Variants in URGCP observed in about 807,000 individuals in gnomAD.
URGCP encodes upregulator of cell proliferation, also known as up-regulator of cell proliferation.
URGCP carries 13 observed loss-of-function variants against 24.6 expected under a neutral mutation model. The ratio of observed to expected loss-of-function variants is 0.53; its 90% CI spans 0.34 to 0.84. The LOEUF (loss-of-function observed/expected upper bound fraction) is 0.84. Ranked by LOEUF, URGCP falls within the 40% of genes least tolerant of loss-of-function variation. The pLI, the probability that URGCP is intolerant of heterozygous loss-of-function variation, is 0.01. For synonymous variants in URGCP, 444 were observed against 487.2 expected (o/e 0.91, Z 1.17); for missense variants, 899 against 1,194.3 (o/e 0.75, Z 3.64).
chr7:43,876,385 C>T lies in URGCP; in HGVS notation c.*282G>A, dbSNP rs1320273151. 5 of 431,940 alleles carry T rather than the reference C, an allele frequency of 1.2e-5. No individual in the cohort carries two copies. The highest frequency in any genetic ancestry group is 2.1e-5 in the Non-Finnish European group (5 of 237,622). 26.8% of individuals were successfully genotyped at this position (431,940 alleles called of 1,614,324 possible). On this transcript the variant is annotated 3_prime_UTR_variant, in exon 6 of 6. Transcript: ENST00000453200. ...AGAGAGCAGCTATACAGAGGGCCCA[C>T]CCCGCAGGATCCTTGACAGGAGCTG... is the stretch of plus-strand genomic sequence containing the variant.
intron 3 of URGCP, among the ~76,000 whole-genome samples, chr7:43,885,104 T>A (rs199538789): frequency 0.77 from 105,853 of 137,258 alleles, 37,284 homozygotes; most frequent in South Asian, 0.82. Flanking sequence ...ATAGTATAAT[T>A]TTTTTTTTTT....
chr7:43,900,469 C>CAAAAAAAAAAAAAAAAAAAAAAA (rs759728715), intron 1 of URGCP, among the ~76,000 whole-genome samples: 2 of 114,492 alleles, frequency 1.7e-5, no homozygotes, highest in Non-Finnish European at 1.8e-5. Context: ...AAAACCAAAA[C>CAAAAAAAAAAAAAAAAAAAAAAA]AAAAAAAAAA....
intron 1 of URGCP, among the ~76,000 whole-genome samples, chr7:43,923,052 CG>C (rs1038673874): frequency 6.6e-6 from 1 of 151,806 alleles, no homozygotes; most frequent in African/African-American, 2.4e-5. Context: ...GGTACAATCT[CG>C]GCTCATTGCA....
At chr7:43,916,621 C>T (rs1300351299) in intron 1 of URGCP, among the ~76,000 whole-genome samples, 1 of 151,660 alleles carries the variant, frequency 6.6e-6, no homozygotes, top group Non-Finnish European at 1.5e-5. Flanking sequence ...GTATCCATGG[C>T]ATAAATGAGG....
At chr7:43,897,891 A>G (rs2095881690) in intron 1 of URGCP, among the ~76,000 whole-genome samples, 1 of 152,230 alleles carries the variant, frequency 6.6e-6, no homozygotes, top group Non-Finnish European at 1.5e-5. Context: ...ACAAGCCAAA[A>G]TAAGTTCAAG....
In URGCP at chr7:43,919,630, G is replaced by A. The variant is rs140360701; in HGVS notation, c.-116+6502C>T. 2,467 of 1,388,110 alleles carry A rather than the reference G, an allele frequency of 1.8e-3. 4 individuals are homozygous for A. Among genetic ancestry groups the A allele is most frequent in the Non-Finnish European group, 2.3e-3 (2,204 of 974,590 alleles). The allele number at this position is 1,388,110 out of a possible 1,614,324, so 86.0% of individuals were successfully genotyped here. ...GTGATGGTATCCACAGGCCGAGACC[G>A]CCAGACCAACCACTCCTACATCACC... is the stretch of plus-strand genomic sequence containing the variant. On this transcript the variant is annotated intron_variant, in intron 1 of 5. Transcript: ENST00000426198.
intron 1 of URGCP, among the ~76,000 whole-genome samples, chr7:43,893,277 C>A (rs1192586197): frequency 6.6e-6 from 1 of 151,898 alleles, no homozygotes; most frequent in Non-Finnish European, 1.5e-5. Context: ...CTGCAGTGAA[C>A]CATGACTGCA....
At chr7:43,883,402 C>T (rs190943912) in intron 3 of URGCP, among the ~76,000 whole-genome samples, 216 of 133,862 alleles carry the variant, frequency 1.6e-3, no homozygotes, top group African/African-American at 5.5e-3. Flanking sequence ...GCTGTGTTGC[C>T]CAGACTGGAG....
chr7:43,878,168 C>T lies in URGCP; in HGVS notation c.1295G>A (p.Arg432Gln), dbSNP rs200826148. 3.4e-3 allele frequency: 5,516 copies of T among 1,614,234 alleles called. 13 individuals carry two copies. Among genetic ancestry groups the T allele is most frequent in the Non-Finnish European group, 4.1e-3 (4,809 of 1,180,046 alleles). The change falls in exon 6 of 6, where the codon CGG becomes CAG. Residue 432 changes from arginine to glutamine, a missense_variant. By Grantham distance (43) the Arg-to-Gln change is conservative. Coordinates refer to ENST00000453200, the MANE Select transcript of URGCP (RefSeq NM_001077663.3). This position sits in a 1 kb window ranked among gnomAD's most constrained non-coding sequence, Gnocchi z 5.6. ...TDSDSFVKRI[R>Q]AIVGNVLRAP... Reference sequence around the variant, plus strand: ...CCGCAGCACATTCCCAACGATGGCCCGGATCCTCTTCACGAAGCTGTCGCT... The same window carrying T: ...CCGCAGCACATTCCCAACGATGGCCTGGATCCTCTTCACGAAGCTGTCGCT...
chr7:43,910,743 C>G (rs565893435), upstream of URGCP: 1 of 152,172 alleles, frequency 6.6e-6, no homozygotes, highest in South Asian at 2.1e-4. Flanking sequence ...GTAGTCCCAG[C>G]TACTCAGGAG....
chr7:43,920,173 T>C, intron 1 of URGCP: 1 of 587,012 alleles, frequency 1.7e-6, no homozygotes, highest in Non-Finnish European at 3.0e-6. Context: ...CTCATATACA[T>C]GCATTTTCTG....
In URGCP at chr7:43,881,948, C is replaced by T; in HGVS notation, c.122G>A (p.Trp41Ter). Residue 41 changes from tryptophan (W) to a stop codon, truncating the protein, a stop_gained, in exon 4 of 6, where the codon TGG (tryptophan) becomes TAG (stop). Transcript: ENST00000453200. LOFTEE classifies it high-confidence loss of function. ...RTAVAIADLEWREMEGDDCEF... is the reference protein window; with the variant it reads ...RTAVAIADLE ...GCAATCATCTCCTTCCATTTCTCTC[C>T]ATTCCAAATCTAGAAGAAAAAAGAA... 1 of 1,614,178 alleles carries T rather than the reference C, an allele frequency of 6.2e-7. No individual in the cohort carries two copies. The highest frequency in any genetic ancestry group is 8.5e-7 in the Non-Finnish European group (1 of 1,180,046).
At chr7:43,882,110 C>A in intron 3 of URGCP, 153 bp from the exon 4 acceptor site, 1 of 1,315,356 alleles carries the variant, frequency 7.6e-7, no homozygotes, top group Non-Finnish European at 1.0e-6. Flanking sequence ...CCAGCCTGGG[C>A]AACAAAGCAA....
At position 43,917,464 on chromosome 7, in the gene URGCP, G is replaced by A. The variant is rs111744322; in HGVS notation, c.-116+8668C>T. On this transcript the variant is annotated intron_variant, in intron 1 of 5. Coordinates refer to the URGCP transcript ENST00000426198. ...GCTGCAGGCCTCCATCTGGTTTTACGTCCTTGGAAGCGTGACCTGTAACCA... is the reference window on the plus strand; with the variant it reads ...GCTGCAGGCCTCCATCTGGTTTTACATCCTTGGAAGCGTGACCTGTAACCA... 7.6e-3 allele frequency among the ~76,000 whole-genome samples: 1,153 copies of A among 152,308 alleles called. 20 individuals carry two copies. Among genetic ancestry groups the A allele is most frequent in the African/African-American group, 0.025 (1,053 of 41,562 alleles).
At chr7:43,906,479 C>A in intron 1 of URGCP, 83 bp downstream of exon 1, 6 of 1,110,836 alleles carry the variant, frequency 5.4e-6, no homozygotes, top group Non-Finnish European at 6.6e-6. Flanking sequence ...CAGACCAGAG[C>A]CCGCAGGCCA....
Position 43,887,815 on chromosome 7 carries a change from T to C in URGCP, c.16A>G (p.Ile6Val). 1 of 1,523,594 alleles carries C rather than the reference T, an allele frequency of 6.6e-7. No individual in the cohort carries two copies. The highest frequency in any genetic ancestry group is 1.2e-5 in the South Asian group (1 of 82,764). 94.4% of individuals were successfully genotyped at this position (1,523,594 alleles called of 1,614,324 possible). Residue 6 changes from isoleucine (I) to valine (V), a missense_variant and splice_region_variant, in exon 2 of 6, where the codon ATA becomes GTA. Ile to Val is a conservative substitution (Grantham distance 29). Transcript: ENST00000453200. MASPG[I>V]EVELLGKGHS... ...CCTTTGCCCAGTAATTCCACTTCTA[T>C]CCTAAGGAAATAATTAAGATTTAGT... is the stretch of plus-strand genomic sequence containing the variant.
At chr7:43,908,223 G>A (rs536642045), upstream of URGCP, among the ~76,000 whole-genome samples, 70 of 152,050 alleles carry the variant, frequency 4.6e-4, no homozygotes, top group African/African-American at 1.4e-3. Context: ...GACTACAGGC[G>A]CCCACTACCA....
At chr7:43,907,036 G>C (rs1025458672), upstream of URGCP, 8 of 152,440 alleles carry the variant, frequency 5.2e-5, no homozygotes, top group African/African-American at 1.7e-4. Flanking sequence ...TGGACGAGTT[G>C]CTGGCCTCTC....
In URGCP at chr7:43,878,188, G is replaced by A. The variant is rs890856528; in HGVS notation, c.1275C>T (p.Asp425=). ...TGGCCCGGATCCTCTTCACGAAGCT[G>A]TCGCTGTCAGTGCTGCTGACCTTTA... The part of the protein sequence containing the change: ...VLVKVSSTDS[D]SFVKRIRAIV... Residue 425 remains aspartate, a synonymous_variant, in exon 6 of 6, where the codon GAC becomes GAT. Coordinates refer to ENST00000453200, the MANE Select transcript of URGCP (RefSeq NM_001077663.3). This position sits in a 1 kb window ranked among gnomAD's most constrained non-coding sequence, Gnocchi z 5.6. The A allele has an allele frequency of 1.2e-5, 20 of 1,614,130 alleles. No individual in the cohort carries two copies. Among genetic ancestry groups the A allele is most frequent in the African/African-American group, 2.7e-5 (2 of 74,952 alleles).
Sources: gnomAD v4.1 joint callset for allele counts (sites outside exome capture counted in the v4.1 genomes callset) on GRCh38, gnomAD v4.1.1 for gene constraint, Gnocchi (gnomAD v3.1) non-coding constraint, MANE v1.5 for transcripts, NCBI Gene and HGNC (gene_info 2026-07-23, HGNC 2026-07-21) for gene names.